The following CATSPERD variants were observed in gnomAD, a reference collection of about 807,000 sequenced individuals.
CATSPERD encodes the protein cation channel sperm-associated auxiliary subunit delta.
A neutral mutation model predicts 98.1 loss-of-function variants in CATSPERD; 86 were observed. That is an observed-to-expected ratio of 0.88 (90% confidence interval 0.74 to 1.05). The LOEUF is 1.05. Among genes scored for constraint, CATSPERD ranks in the 50% least tolerant of loss-of-function variants. The pLI is 0.00. For synonymous variants in CATSPERD, 394 were observed against 390.2 expected, an observed-to-expected ratio of 1.01 and a Z score of -0.12; for missense variants, 995 against 1,005.7, an observed-to-expected ratio of 0.99 and a Z score of 0.14.
intron 5 of CATSPERD, 81 bp downstream of exon 5, chr19:5,734,051 C>T (rs761908596): frequency 2.6e-5 from 21 of 799,670 alleles, no homozygotes; most frequent in South Asian, 5.1e-5. Flanking sequence ...GAAGTATAAG[C>T]GATGCTCCTA....
chr19:5,722,731 C>T (rs2055516692), intron 1 of CATSPERD, among the ~76,000 whole-genome samples: 1 of 6,256 alleles, frequency 1.6e-4, no homozygotes, highest in Admixed American at 2.5e-3. Flanking sequence ...TTTATCAAGA[C>T]CCCCCCCCCC....
chr19:5,733,407 C>CTCCT (rs34670750), intron 4 of CATSPERD, among the ~76,000 whole-genome samples: 42 of 141,068 alleles, frequency 3.0e-4, no homozygotes, highest in East Asian at 6.3e-4. Context: ...TTCCTTTCTT[C>CTCCT]TCCTTCCTTC....
chr19:5,750,177 G>C (rs1035155233), intron 11 of CATSPERD, among the ~76,000 whole-genome samples: 11 of 150,124 alleles, frequency 7.3e-5, no homozygotes, highest in Non-Finnish European at 1.5e-4. Context: ...GGCCGGGCGT[G>C]GTGGCTCACG....
At chr19:5,762,591 G>A (rs755908517) in intron 15 of CATSPERD, among the ~76,000 whole-genome samples, 3 of 152,090 alleles carry the variant, frequency 2.0e-5, no homozygotes, top group Non-Finnish European at 4.4e-5. Context: ...ATGGACGGAT[G>A]GTTGGGTGGA....
rs762072689 is a variant in CATSPERD at position 5,741,785 on chromosome 19, CGGGG to C, written c.573+2356_573+2359del. Among the ~76,000 whole-genome samples the C allele has an allele frequency of 4.9e-4, 3 of 6,100 alleles. 1 individual carries two copies. Among genetic ancestry groups the C allele is most frequent in the East Asian group, 2.8e-3 (1 of 352 alleles). 4.0% of individuals were successfully genotyped at this position (6,100 alleles called of 152,430 possible). A position where few individuals can be genotyped will look rare whatever the true frequency, so the allele number is the denominator to read the frequency against. On this transcript the variant is annotated intron_variant, in intron 7 of 21. Coordinates refer to ENST00000381624, the MANE Select transcript of CATSPERD (RefSeq NM_152784.4). ...TCCCAGCACTTTGGGATGCTGAAGG[CGGGG>C]GGGGGGGGGTGGTGTGGATCACTTG...
At chr19:5,741,976 C>T (rs1488629459) in intron 7 of CATSPERD, among the ~76,000 whole-genome samples, 2 of 150,638 alleles carry the variant, frequency 1.3e-5, no homozygotes, top group Admixed American at 6.6e-5. Flanking sequence ...GAGGAGGTTG[C>T]AGTAAGCCCA....
At chr19:5,777,172 T>C (rs1027307256) in intron 21 of CATSPERD, among the ~76,000 whole-genome samples, 1 of 151,838 alleles carries the variant, frequency 6.6e-6, no homozygotes, top group Non-Finnish European at 1.5e-5. Flanking sequence ...TTATCACCTG[T>C]CCTCTCCAGT....
Position 5,778,584 on chromosome 19 carries a change from G to T in CATSPERD, c.2305G>T (p.Val769Phe), listed in dbSNP as rs756891506. The stretch of plus-strand genomic sequence containing the variant: ...ACAGCTGTGTAGGAGATGCAAGACG[G>T]TCTGCCAGTTCAGGGCCTCAGCCAC... ...ATQLCRRCKT[V>F]CQFRASATAR... The change falls in exon 22 of 22, where the codon GTC becomes TTC. Residue 769 changes from valine to phenylalanine, a missense_variant. Transcript: ENST00000381624. The T allele has an allele frequency of 1.9e-6, 3 of 1,613,808 alleles. No homozygotes were observed. Among genetic ancestry groups the T allele is most frequent in the Admixed American group, 3.3e-5 (2 of 60,006 alleles).
Position 5,729,931 on chromosome 19 carries a change from C to A in CATSPERD, c.263C>A (p.Pro88His). The A allele has an allele frequency of 6.3e-7, 1 of 1,587,062 alleles. No individual in the cohort carries two copies. The highest frequency in any genetic ancestry group is 8.6e-7 in the Non-Finnish European group (1 of 1,158,822). ...ACTAGTCTCCTTCCATTTACCATCC[C>A]TACATCAATGCAGGTAGTTATTTTA... is the stretch of plus-strand genomic sequence containing the variant. ...FETSLLPFTI[P>H]TSMQVGVPEV... Residue 88 changes from proline (P) to histidine (H), a missense_variant, in exon 4 of 22, where the codon CCT becomes CAT. Physicochemically the swap from Pro to His is moderately conservative, Grantham distance 77. Around this residue, in one of 3 missense-constraint regions of CATSPERD, gnomAD observed 228 missense variants for 209.6 expected, o/e 1.09. Coordinates refer to ENST00000381624, the MANE Select transcript of CATSPERD (RefSeq NM_152784.4).
intron 16 of CATSPERD, among the ~76,000 whole-genome samples, chr19:5,765,720 GAGAA>G (rs1327699101): frequency 6.6e-6 from 1 of 152,044 alleles, no homozygotes; most frequent in African/African-American, 2.4e-5. Context: ...GCTGAGGCAG[GAGAA>G]TCGCTTGAAC....
chr19:5,745,021 C>T (rs1472694344), intron 8 of CATSPERD, among the ~76,000 whole-genome samples: 1 of 152,160 alleles, frequency 6.6e-6, no homozygotes, highest in Non-Finnish European at 1.5e-5. Context: ...GGGCTCACTG[C>T]AACCTCTGCC....
At position 5,776,243 on chromosome 19, in the gene CATSPERD, C is replaced by G. The variant is rs1342441540; in HGVS notation, c.2024C>G (p.Thr675Arg). Residue 675 changes from threonine (T) to arginine (R), a missense_variant, in exon 21 of 22, where the codon ACA becomes AGA. Physicochemically the swap from Thr to Arg is moderately conservative, Grantham distance 71. Transcript: ENST00000381624. ...CAGTATCAGATCTTGGGCGGCCGGACAGCAAACCAGATCATTTTCGGCCAC... is the reference window on the plus strand; with the variant it reads ...CAGTATCAGATCTTGGGCGGCCGGAGAGCAAACCAGATCATTTTCGGCCAC... Reference protein sequence around the residue: ...DVQYQILGGRTANQIIFGHNG... With the variant: ...DVQYQILGGRRANQIIFGHNG... 3.1e-6 allele frequency: 5 copies of G among 1,614,092 alleles called. No homozygotes were observed. The highest frequency in any genetic ancestry group is 8.5e-7 in the Non-Finnish European group (1 of 1,180,048).
intron 15 of CATSPERD, among the ~76,000 whole-genome samples, chr19:5,761,609 G>A (rs2056435066): frequency 6.6e-6 from 1 of 152,282 alleles, no homozygotes; most frequent in Non-Finnish European, 1.5e-5. Flanking sequence ...TTACAATCAT[G>A]GCGGAAGGCG....
At chr19:5,774,910 G>T (rs1273002685) in intron 20 of CATSPERD, among the ~76,000 whole-genome samples, 2 of 152,092 alleles carry the variant, frequency 1.3e-5, no homozygotes, top group African/African-American at 2.4e-5. Context: ...CCCGCTACTT[G>T]GAAAGCTGAG....
chr19:5,740,542 G>A (rs372358347), intron 7 of CATSPERD, among the ~76,000 whole-genome samples: 3 of 147,122 alleles, frequency 2.0e-5, no homozygotes, highest in Non-Finnish European at 4.5e-5. Flanking sequence ...AGCCGAGATC[G>A]CACCAGTGCA....
rs796689889 is a variant in CATSPERD, at chr19:5,741,796, GGGTGGT to G, written c.573+2359_573+2364del. ...TGGGATGCTGAAGGCGGGGGGGGGG[GGGTGGT>G]GTGGATCACTTGAGGTCAGGAGTTC... is the stretch of plus-strand genomic sequence containing the variant. On this transcript the variant is annotated intron_variant, in intron 7 of 21. Transcript: ENST00000381624. 5.6e-4 allele frequency among the ~76,000 whole-genome samples: 52 copies of G among 92,690 alleles called. 5 individuals are homozygous for G. The highest frequency in any genetic ancestry group is 4.1e-3 in the Admixed American group (40 of 9,730). 60.8% of individuals were successfully genotyped at this position (92,690 alleles called of 152,430 possible).
At chr19:5,720,993 C>T (rs2055452061) in intron 1 of CATSPERD, among the ~76,000 whole-genome samples, 185 bp downstream of exon 1, 1 of 150,742 alleles carries the variant, frequency 6.6e-6, no homozygotes, top group Non-Finnish European at 1.5e-5. Context: ...TTAAGCTCTC[C>T]TACCTCTTTT....
At position 5,750,344 on chromosome 19, in the gene CATSPERD, G is replaced by A. The variant is rs1026562464; in HGVS notation, c.987+1161G>A. Among the ~76,000 whole-genome samples, 11 of 149,104 alleles carry A rather than the reference G, an allele frequency of 7.4e-5. 1 individual carries two copies. Among genetic ancestry groups the A allele is most frequent in the East Asian group, 6.1e-4 (3 of 4,892 alleles). ...GCGGCACCTGTAGTCCCAGCTACTCGGGAGGCTGAGGCAGGAGAATGGCGT... is the reference window on the plus strand; with the variant it reads ...GCGGCACCTGTAGTCCCAGCTACTCAGGAGGCTGAGGCAGGAGAATGGCGT... On this transcript the variant is annotated intron_variant, in intron 11 of 21. Coordinates refer to ENST00000381624, the MANE Select transcript of CATSPERD (RefSeq NM_152784.4).
At position 5,766,110 on chromosome 19, in the gene CATSPERD, T is replaced by C; in HGVS notation, c.1514T>C (p.Leu505Pro). Residue 505 changes from leucine to proline, a missense_variant, in exon 17 of 22, where the codon CTG (leucine) becomes CCG (proline). Physicochemically the swap from Leu to Pro is moderately conservative, Grantham distance 98 (BLOSUM62 -3). This residue lies in a region of CATSPERD where 762 missense variants were observed against 773.7 expected (regional missense o/e 0.98). Coordinates refer to ENST00000381624, the MANE Select transcript of CATSPERD (RefSeq NM_152784.4). ...SCVDIKPLST[L>P]ISVGCDLDKK... ...TGTCTCTCTCCTCTGCAGTCGACACTGATTTCAGTTGGCTGCGACCTGGAT... is the reference window on the plus strand; with the variant it reads ...TGTCTCTCTCCTCTGCAGTCGACACCGATTTCAGTTGGCTGCGACCTGGAT... 6.2e-7 allele frequency: 1 copy of C among 1,613,038 alleles called. No individual in the cohort carries two copies. Among genetic ancestry groups the C allele is most frequent in the Admixed American group, 1.7e-5 (1 of 59,848 alleles).
Sources: allele counts gnomAD v4.1 joint callset (sites outside exome capture counted in the v4.1 genomes callset), GRCh38; gene constraint gnomAD v4.1.1; regional missense constraint gnomAD v4.1.1; transcripts MANE v1.5; gene names NCBI Gene and HGNC (gene_info 2026-07-23, HGNC 2026-07-21).